DAB1: variants seen among roughly 807,000 people sequenced by gnomAD.
DAB1 encodes disabled homolog 1.
Under a neutral mutation model 64.6 loss-of-function variants are expected in DAB1, and 15 were observed. The observed-to-expected ratio is 0.23, with a 90% CI of 0.16 to 0.36. DAB1 has a LOEUF of 0.36. Ranked by LOEUF, DAB1 falls within the 10% of genes least tolerant of loss-of-function variation. DAB1 has a pLI of 1.00. For synonymous variants in DAB1, 235 were observed against 251.9 expected (o/e 0.93, Z 0.64); for missense variants, 596 against 706.7 (o/e 0.84, Z 1.78).
intron 4 of DAB1, among the ~76,000 whole-genome samples, chr1:58,198,886 A>T (rs1657841181): frequency 6.6e-6 from 1 of 152,206 alleles, no homozygotes; most frequent in African/African-American, 2.4e-5. Context: ...CAGGTGGATC[A>T]CCTGAGGTCA....
At chr1:58,011,002 C>T (rs999423328) in intron 5 of DAB1, among the ~76,000 whole-genome samples, 2 of 152,182 alleles carry the variant, frequency 1.3e-5, no homozygotes, top group African/African-American at 4.8e-5. Flanking sequence ...ACTATTTTTA[C>T]TCCATTTTTA....
At chr1:57,090,154 A>C (rs1653507569) in intron 4 of DAB1, among the ~76,000 whole-genome samples, 1 of 152,208 alleles carries the variant, frequency 6.6e-6, no homozygotes, top group Non-Finnish European at 1.5e-5. Flanking sequence ...GAAATGAATA[A>C]TAGGAAGTCT....
At chr1:57,802,820 A>C (rs976975510) in intron 6 of DAB1, among the ~76,000 whole-genome samples, 2 of 152,160 alleles carry the variant, frequency 1.3e-5, no homozygotes, top group African/African-American at 4.8e-5. Context: ...GAGCCAATTA[A>C]ACCTCTTTTC....
intron 5 of DAB1, among the ~76,000 whole-genome samples, chr1:58,046,239 T>C (rs1389953536): frequency 6.6e-6 from 1 of 152,242 alleles, no homozygotes; most frequent in African/African-American, 2.4e-5. Context: ...CTGGATTTTC[T>C]TAAACTAAAT....
rs977770150 is a variant in DAB1, at chr1:57,980,976, T to G, written n.388-96814A>C. Reference sequence around the variant, plus strand: ...ATATATATATATGAATATAAAGAGATAGATACATACATACATACAAGGATA... The same window carrying G: ...ATATATATATATGAATATAAAGAGAGAGATACATACATACATACAAGGATA... On this transcript the variant is annotated intron_variant and non_coding_transcript_variant, in intron 5 of 20. Transcript: ENST00000485760. Among the ~76,000 whole-genome samples the G allele has an allele frequency of 2.0e-5, 3 of 151,766 alleles. 1 individual carries two copies. The highest frequency in any genetic ancestry group is 4.2e-4 in the South Asian group (2 of 4,806).
At chr1:57,374,352 A>C (rs902908046) in intron 1 of DAB1, among the ~76,000 whole-genome samples, 3 of 152,250 alleles carry the variant, frequency 2.0e-5, no homozygotes, top group Non-Finnish European at 2.9e-5. Context: ...TTACTCATAA[A>C]TCAAGAACAT....
intron 7 of DAB1, among the ~76,000 whole-genome samples, chr1:57,441,214 T>G (rs1217075181): frequency 1.3e-5 from 2 of 152,238 alleles, no homozygotes; most frequent in African/African-American, 4.8e-5. Flanking sequence ...ATTCTTTTTA[T>G]GTGCATAGTA....
chr1:57,636,571 T>C (rs1454134942), intron 7 of DAB1, among the ~76,000 whole-genome samples: 1 of 152,098 alleles, frequency 6.6e-6, no homozygotes. Flanking sequence ...GTACTAGCAG[T>C]AGAGAAGGTG....
intron 5 of DAB1, among the ~76,000 whole-genome samples, chr1:57,937,594 A>C (rs900407593): frequency 6.6e-6 from 1 of 152,166 alleles, no homozygotes; most frequent in Admixed American, 6.6e-5. Flanking sequence ...ACAGTCTAGG[A>C]ACAGAGCCAG....
intron 5 of DAB1, among the ~76,000 whole-genome samples, chr1:58,002,585 T>C (rs958085219): frequency 2.6e-5 from 4 of 152,124 alleles, no homozygotes; most frequent in Non-Finnish European, 4.4e-5. Context: ...TTCTGAGTCA[T>C]TTTCTATAAT....
intron 1 of DAB1, among the ~76,000 whole-genome samples, chr1:57,833,084 C>G (rs561813086): frequency 3.3e-5 from 5 of 149,522 alleles, no homozygotes; most frequent in African/African-American, 9.8e-5. Flanking sequence ...AAAAAAAATC[C>G]TATGCTTACA....
intron 1 of DAB1, among the ~76,000 whole-genome samples, chr1:57,330,622 A>T (rs1392204828): frequency 2.6e-5 from 4 of 152,218 alleles, no homozygotes; most frequent in Non-Finnish European, 5.9e-5. Flanking sequence ...GCATTTTCCC[A>T]TCTGGCAAAC....
In DAB1 at chr1:57,984,252, GAAAGAA is replaced by G. The variant is rs1281867170; in HGVS notation, n.388-100096_388-100091del. On this transcript the variant is annotated intron_variant and non_coding_transcript_variant, in intron 5 of 20. Transcript: ENST00000485760. ...AGAAAGAAAGAAAGAAAGAAAGAAA[GAAAGAA>G]AGAAAAAAAATTAAACAGCCAAACC... is the stretch of plus-strand genomic sequence containing the variant. 3.9e-3 allele frequency among the ~76,000 whole-genome samples: 512 copies of G among 132,914 alleles called. 19 individuals carry two copies. Among genetic ancestry groups the G allele is most frequent in the African/African-American group, 0.01 (356 of 34,526 alleles). The allele number at this position is 132,914 out of a possible 152,430, so 87.2% of individuals were successfully genotyped here. A position where few individuals can be genotyped will look rare whatever the true frequency, so the allele number is the denominator to read the frequency against.
At chr1:58,435,029 AG>A (rs1218233560) in intron 3 of DAB1, among the ~76,000 whole-genome samples, 6 of 152,216 alleles carry the variant, frequency 3.9e-5, no homozygotes, top group African/African-American at 1.4e-4. Context: ...TGTAGGAAAT[AG>A]CAGATGCCCT....
upstream of DAB1, among the ~76,000 whole-genome samples, chr1:57,887,880 T>C (rs1644249393): frequency 6.6e-6 from 1 of 152,222 alleles, no homozygotes; most frequent in African/African-American, 2.4e-5. Context: ...TGAAGTTAAC[T>C]TCATAGGGAA....
chr1:57,291,610 T>C (rs1336004241), intron 1 of DAB1, among the ~76,000 whole-genome samples: 1 of 152,138 alleles, frequency 6.6e-6, no homozygotes, highest in Non-Finnish European at 1.5e-5. Flanking sequence ...TGTCCCTCAC[T>C]GGCAGGCATC....
rs192451787 is a variant in DAB1 at position 57,814,843 on chromosome 1, T to A, written n.551+69156A>T. On this transcript the variant is annotated intron_variant and non_coding_transcript_variant, in intron 6 of 20. Transcript: ENST00000485760. Reference sequence around the variant, plus strand: ...GTCCAGGCCTGCTACTCATTCATTGTATGAGTGTGAGCAAATCGCTTAGTG... The same window carrying A: ...GTCCAGGCCTGCTACTCATTCATTGAATGAGTGTGAGCAAATCGCTTAGTG... 5.3e-5 allele frequency among the ~76,000 whole-genome samples: 8 copies of A among 152,208 alleles called. No individual in the cohort carries two copies. The East Asian group carries it at 1.4e-3, about 26-fold the overall frequency.
chr1:57,196,446 G>A (rs1664629790), intron 2 of DAB1, among the ~76,000 whole-genome samples: 2 of 152,210 alleles, frequency 1.3e-5, no homozygotes. Context: ...TGGGAGGCAG[G>A]TGGGCTCCTG....
At chr1:57,353,995 T>A (rs1181625942) in intron 1 of DAB1, among the ~76,000 whole-genome samples, 1 of 152,178 alleles carries the variant, frequency 6.6e-6, no homozygotes, top group Non-Finnish European at 1.5e-5. Context: ...CACCTCAAAT[T>A]TTTGAAAGGA....
Sources: gnomAD v4.1 joint callset for allele counts (sites outside exome capture counted in the v4.1 genomes callset) on GRCh38, gnomAD v4.1.1 for gene constraint, MANE v1.5 for transcripts, NCBI Gene and HGNC (gene_info 2026-07-23, HGNC 2026-07-21) for gene names.